The following SIDT1 variants were observed in gnomAD, a reference collection of about 807,000 sequenced individuals.
SIDT1 encodes SID1 transmembrane family member 1.
SIDT1 carries 101 observed loss-of-function variants against 107.5 expected under a neutral mutation model. That is an observed-to-expected ratio of 0.94 (90% confidence interval 0.80 to 1.11). SIDT1 has a LOEUF of 1.11. SIDT1 is among the 50% of genes least tolerant of loss of function. The pLI is 0.00. For missense variants in SIDT1, 1,076 were observed against 1,058.2 expected (o/e 1.02, Z -0.23); for synonymous variants, 395 against 398.2 (o/e 0.99, Z 0.10).
chr3:113,563,082 A>ATTAT (rs1941577034), intron 1 of SIDT1, among the ~76,000 whole-genome samples: 1 of 152,240 alleles, frequency 6.6e-6, no homozygotes, highest in South Asian at 2.1e-4. Context: ...ATCCAAGGCC[A>ATTAT]GTCAACACTG....
At chr3:113,599,437 C>T (rs565100336) in intron 10 of SIDT1, among the ~76,000 whole-genome samples, 1 of 152,350 alleles carries the variant, frequency 6.6e-6, no homozygotes, top group Admixed American at 6.5e-5. Flanking sequence ...TTCTTGAGCA[C>T]TATATGAAAG....
chr3:113,537,717 C>G (rs1369919053), intron 1 of SIDT1, among the ~76,000 whole-genome samples: 2 of 152,240 alleles, frequency 1.3e-5, no homozygotes, highest in Admixed American at 1.3e-4. Flanking sequence ...TAGACAAGCT[C>G]CTTCTTGCTG....
chr3:113,620,597 TC>T (rs1334427795), intron 21 of SIDT1, among the ~76,000 whole-genome samples: 1 of 151,204 alleles, frequency 6.6e-6, no homozygotes, highest in Admixed American at 6.6e-5. Context: ...AGAATCTGAG[TC>T]CTATCTGGGG....
chr3:113,582,498 T>C (rs941708722), intron 6 of SIDT1, among the ~76,000 whole-genome samples: 5 of 152,218 alleles, frequency 3.3e-5, no homozygotes, highest in African/African-American at 9.6e-5. Flanking sequence ...CATCCCGCAT[T>C]ATGTGGTCCC....
At chr3:113,538,575 T>TAAATTAACTATAGTCATA (rs1938455018) in intron 1 of SIDT1, among the ~76,000 whole-genome samples, 1 of 152,242 alleles carries the variant, frequency 6.6e-6, no homozygotes, top group African/African-American at 2.4e-5. Context: ...TTTGATGTAT[T>TAAATTAACTATAGTCATA]AAATTAACTA....
At position 113,605,090 on chromosome 3, in the gene SIDT1, T is replaced by C. The variant is rs775695825; in HGVS notation, c.1404+114T>C. On this transcript the variant is annotated intron_variant, in intron 14 of 24. Coordinates refer to ENST00000264852, the MANE Select transcript of SIDT1 (RefSeq NM_017699.3). Reference sequence around the variant, plus strand: ...TTAGGATCCATTCAGGAATTTCCCATTGGGGTTCCAATTGGAATTCACTAT... The same window carrying C: ...TTAGGATCCATTCAGGAATTTCCCACTGGGGTTCCAATTGGAATTCACTAT... 7.4e-5 allele frequency: 76 copies of C among 1,029,474 alleles called. 3 individuals are homozygous for C. In the Middle Eastern group the frequency reaches 8.2e-4, roughly 11 times the overall value. 63.8% of individuals were successfully genotyped at this position (1,029,474 alleles called of 1,614,324 possible). A position where few individuals can be genotyped will look rare whatever the true frequency, so the allele number is the denominator to read the frequency against.
intron 1 of SIDT1, among the ~76,000 whole-genome samples, chr3:113,537,716 TC>T (rs2107570699): frequency 6.6e-6 from 1 of 152,356 alleles, no homozygotes; most frequent in South Asian, 2.1e-4. Context: ...GTAGACAAGC[TC>T]CTTCTTGCTG....
At chr3:113,622,152 T>A (rs1946498699) in intron 21 of SIDT1, among the ~76,000 whole-genome samples, 1 of 152,002 alleles carries the variant, frequency 6.6e-6, no homozygotes, top group Non-Finnish European at 1.5e-5. Context: ...AAAATATATA[T>A]GTGGATGTGT....
In SIDT1 at chr3:113,628,095, G is replaced by T. The variant is rs188975651; in HGVS notation, c.*387G>T. On this transcript the variant is annotated 3_prime_UTR_variant, in exon 25 of 25. Transcript: ENST00000264852. The stretch of plus-strand genomic sequence containing the variant: ...TTCCCTCCAGTTGTCACCCTGCCCA[G>T]AAAGGCCAGCAGCTTGGACTTCCTG... 2 of 195,480 alleles carry T rather than the reference G, an allele frequency of 1.0e-5. No homozygotes were observed. The highest frequency in any genetic ancestry group is 2.9e-4 in the East Asian group (2 of 6,924). 12.1% of individuals were successfully genotyped at this position (195,480 alleles called of 1,614,324 possible).
chr3:113,623,278 G>C, intron 21 of SIDT1, 149 bp from the exon 22 acceptor site: 1 of 373,124 alleles, frequency 2.7e-6, no homozygotes, highest in Non-Finnish European at 4.8e-6. Flanking sequence ...AGAGGTAAGA[G>C]TTTAAAAAAA....
At chr3:113,635,693 T>C in the SIDT1 span, among the ~76,000 whole-genome samples, 1 of 152,074 alleles carries the variant, frequency 6.6e-6, no homozygotes, top group Non-Finnish European at 1.5e-5. Flanking sequence ...GGTGAAACCC[T>C]GTCTCTACTA....
chr3:113,533,526 C>A (rs1937720684), intron 1 of SIDT1, among the ~76,000 whole-genome samples: 2 of 152,210 alleles, frequency 1.3e-5, no homozygotes. Context: ...TGGGTCCCTG[C>A]TGGGTCTTTC....
intron 1 of SIDT1, 75 bp from the exon 2 acceptor site, chr3:113,566,345 T>C: frequency 7.1e-7 from 1 of 1,402,964 alleles, no homozygotes; most frequent in Non-Finnish European, 9.9e-7. Flanking sequence ...TGTTTGTGTG[T>C]GTGTGTGTGT....
intron 3 of SIDT1, among the ~76,000 whole-genome samples, chr3:113,574,341 G>C (rs1942725768): frequency 6.6e-6 from 1 of 152,176 alleles, no homozygotes; most frequent in African/African-American, 2.4e-5. Flanking sequence ...CATAGCAGAT[G>C]GCAGAAGGAG....
At chr3:113,593,583 C>A (rs1364837551) in intron 10 of SIDT1, among the ~76,000 whole-genome samples, 1 of 152,194 alleles carries the variant, frequency 6.6e-6, no homozygotes, top group Non-Finnish European at 1.5e-5. Flanking sequence ...ACACTAAAAA[C>A]CTTTACTAGG....
chr3:113,608,505 T>C lies in SIDT1; in HGVS notation c.1689T>C (p.His563=), dbSNP rs752248932. 2.5e-6 allele frequency: 4 copies of C among 1,613,352 alleles called. No homozygotes were observed. The African/African-American group carries it at 4.0e-5, about 16-fold the overall frequency. ...AAGGGGTGCTCAGTGCTTGCTACCATGTCTGCCCTAATTATTCCAACTTCC... is the reference window on the plus strand; with the variant it reads ...AAGGGGTGCTCAGTGCTTGCTACCACGTCTGCCCTAATTATTCCAACTTCC... The part of the protein sequence containing the change: ...MMEGVLSACY[H]VCPNYSNFQF... The change falls in exon 17 of 25, where the codon CAT becomes CAC. Residue 563 remains histidine (H), a synonymous_variant. Coordinates refer to ENST00000264852, the MANE Select transcript of SIDT1 (RefSeq NM_017699.3).
chr3:113,555,236 A>G (rs1940713539), intron 1 of SIDT1, among the ~76,000 whole-genome samples: 1 of 151,942 alleles, frequency 6.6e-6, no homozygotes, highest in African/African-American at 2.4e-5. Context: ...GTTAATTCCT[A>G]CTCATCCTTT....
chr3:113,606,019 GAAAAAAAAGAAA>G (rs1005466878), intron 14 of SIDT1, among the ~76,000 whole-genome samples: 2 of 79,624 alleles, frequency 2.5e-5, no homozygotes, highest in African/African-American at 9.0e-5. Flanking sequence ...ACAAAAAAAG[GAAAAAAAAGAAA>G]AAAAAAAAGC....
intron 23 of SIDT1, among the ~76,000 whole-genome samples, chr3:113,624,553 G>A (rs1254686363): frequency 6.6e-6 from 1 of 152,176 alleles, no homozygotes; most frequent in Non-Finnish European, 1.5e-5. Flanking sequence ...GAGTGATGCT[G>A]CTGTGAATAT....
Sources: allele counts gnomAD v4.1 joint callset (sites outside exome capture counted in the v4.1 genomes callset), GRCh38; gene constraint gnomAD v4.1.1; transcripts MANE v1.5; gene names NCBI Gene and HGNC (gene_info 2026-07-23, HGNC 2026-07-21).